Variants in FRY observed in about 807,000 individuals in gnomAD.
FRY encodes the protein protein furry homolog.
Under a neutral mutation model 348.4 loss-of-function variants are expected in FRY, and 128 were observed. The ratio of observed to expected loss-of-function variants is 0.37; its 90% CI spans 0.32 to 0.43. FRY has a LOEUF of 0.43. Among genes scored for constraint, FRY ranks in the 20% least tolerant of loss-of-function variants. FRY has a pLI of 1.00. For synonymous variants in FRY, 1,370 were observed against 1,374.7 expected, an observed-to-expected ratio of 1.00 and a Z score of 0.08; for missense variants, 2,736 against 3,695.2, an observed-to-expected ratio of 0.74 and a Z score of 6.73.
At chr13:32,141,684 T>C (rs1257098670) in intron 11 of FRY, among the ~76,000 whole-genome samples, 2 of 152,206 alleles carry the variant, frequency 1.3e-5, no homozygotes, top group African/African-American at 4.8e-5. Flanking sequence ...GTAACATTGG[T>C]CTATACCACT....
intron 2 of FRY, among the ~76,000 whole-genome samples, chr13:32,083,372 CACCTTG>C (rs916963831): frequency 3.3e-5 from 5 of 152,126 alleles, no homozygotes; most frequent in African/African-American, 1.2e-4. Flanking sequence ...TGTCTTCAAT[CACCTTG>C]AATGTGTCTT....
intron 1 of FRY, among the ~76,000 whole-genome samples, chr13:32,039,436 G>A (rs1000767124): frequency 6.6e-6 from 1 of 152,002 alleles, no homozygotes; most frequent in African/African-American, 2.4e-5. Flanking sequence ...TTACAGAGAA[G>A]GGCTATGTCT....
At chr13:32,122,359 T>C (rs113792896) in intron 4 of FRY, among the ~76,000 whole-genome samples, 12,277 of 150,684 alleles carry the variant, frequency 0.081, 536 homozygotes, top group African/African-American at 0.13. Context: ...GGGATAATGG[T>C]GTGAACCCGG....
In FRY at chr13:32,237,209, T is replaced by C. The variant is rs141100209; in HGVS notation, c.5811-170T>C. Among the ~76,000 whole-genome samples the C allele has an allele frequency of 4.5e-3, 688 of 152,270 alleles. 4 individuals are homozygous for C. The highest frequency in any genetic ancestry group is 0.016 in the African/African-American group (662 of 41,544). Reference sequence around the variant, plus strand: ...GCTTTTTGTTTTGTTGATGAGGGTTTCTCTTGTTTTGTTTTTTATAGCTTT... The same window carrying C: ...GCTTTTTGTTTTGTTGATGAGGGTTCCTCTTGTTTTGTTTTTTATAGCTTT... On this transcript the variant is annotated intron_variant, in intron 43 of 60. Transcript: ENST00000542859. This position sits in a 1 kb window ranked among gnomAD's most constrained non-coding sequence, Gnocchi z 6.3.
Position 32,031,855 on chromosome 13 carries a change from C to A in FRY, c.60C>A (p.Ser20=). 4 of 1,559,022 alleles carry A rather than the reference C, an allele frequency of 2.6e-6. No individual in the cohort carries two copies. Among genetic ancestry groups the A allele is most frequent in the Non-Finnish European group, 2.7e-6 (3 of 1,131,118 alleles). Residue 20 remains serine, a synonymous_variant, in exon 1 of 61, where the codon TCC becomes TCA. Transcript: ENST00000542859. ...TCAGTATCAAATATTTACTGAAATC[C>A]TGGAGTAATAGTGAGTAATAGAAAA... ...FEISIKYLLK[S]WSNTSPVGNG...
chr13:32,050,806 A>G (rs1873280166), intron 1 of FRY, among the ~76,000 whole-genome samples: 1 of 152,252 alleles, frequency 6.6e-6, no homozygotes, highest in African/African-American at 2.4e-5. Context: ...CACATAAGAA[A>G]GTAAGACAGA....
chr13:32,052,779 G>A (rs1873404715), intron 1 of FRY, among the ~76,000 whole-genome samples: 1 of 152,138 alleles, frequency 6.6e-6, no homozygotes, highest in Non-Finnish European at 1.5e-5. Context: ...CAAAGTGTCA[G>A]TTTTTAAGTT....
chr13:32,090,273 G>A (rs1022447051), intron 2 of FRY, among the ~76,000 whole-genome samples: 6 of 148,650 alleles, frequency 4.0e-5, no homozygotes, highest in Admixed American at 2.7e-4. Flanking sequence ...GCGTGAACCC[G>A]GAAGTCGGAG....
In FRY at chr13:32,112,246, C is replaced by CT. The variant is rs549832624; in HGVS notation, c.325-5078dup. Among the ~76,000 whole-genome samples the CT allele has an allele frequency of 3.1e-3, 456 of 147,190 alleles. 2 individuals are homozygous for CT. Among genetic ancestry groups the CT allele is most frequent in the Non-Finnish European group, 5.1e-3 (335 of 66,332 alleles). ...TGATCTCATCACAGTCATTTTTTGT[C>CT]TTTTTTTTTTAATGCTCCTCTTTCT... On this transcript the variant is annotated intron_variant, in intron 3 of 60. Coordinates refer to ENST00000542859, the MANE Select transcript of FRY (RefSeq NM_023037.3).
At chr13:32,243,100 C>T (rs1049218336) in intron 46 of FRY, among the ~76,000 whole-genome samples, 1 of 152,106 alleles carries the variant, frequency 6.6e-6, no homozygotes, top group Non-Finnish European at 1.5e-5. Flanking sequence ...AGAAACAATA[C>T]TAACATTTTA....
At chr13:32,172,287 A>C (rs1286524337) in intron 18 of FRY, among the ~76,000 whole-genome samples, 1 of 152,050 alleles carries the variant, frequency 6.6e-6, no homozygotes, top group Non-Finnish European at 1.5e-5. Context: ...GTAGATGTGG[A>C]TATGGATGTG....
rs149640337 is a variant in FRY at position 32,148,223 on chromosome 13, G to T, written c.1392+276G>T. ...AGTCACAAAGTCTGTGAATTAGTAC[G>T]ATTGTCTTGACTCTTCACCTCTGTT... On this transcript the variant is annotated intron_variant, in intron 13 of 60. Transcript: ENST00000542859. Among the ~76,000 whole-genome samples, 576 of 152,274 alleles carry T rather than the reference G, an allele frequency of 3.8e-3. 8 individuals are homozygous for T. The highest frequency in any genetic ancestry group is 0.013 in the African/African-American group (557 of 41,542).
At chr13:32,043,970 G>GGAA (rs61208991) in intron 1 of FRY, among the ~76,000 whole-genome samples, 1 of 151,836 alleles carries the variant, frequency 6.6e-6, no homozygotes, top group Non-Finnish European at 1.5e-5. Flanking sequence ...TGAAATGGGA[G>GGAA]AAGTGCTTGA....
In FRY at chr13:32,179,692, G is replaced by T; in HGVS notation, c.2889G>T (p.Ser963=). The change falls in exon 23 of 61, where the codon TCG becomes TCT. Residue 963 remains serine, a synonymous_variant. Coordinates refer to ENST00000542859, the MANE Select transcript of FRY (RefSeq NM_023037.3). ...SYDNKAIGTP[S]VGVLLKQLVP... ...TATTTCAGGCCATAGGCACCCCATCGGTGGGAGTTCTGTTAAAGCAGTTGG... is the reference window on the plus strand; with the variant it reads ...TATTTCAGGCCATAGGCACCCCATCTGTGGGAGTTCTGTTAAAGCAGTTGG... 1.2e-6 allele frequency: 2 copies of T among 1,613,914 alleles called. No homozygotes were observed. Among genetic ancestry groups the T allele is most frequent in the Non-Finnish European group, 1.7e-6 (2 of 1,179,838 alleles).
At position 32,131,674 on chromosome 13, in the gene FRY, T is replaced by G. The variant is rs748281071; in HGVS notation, c.719T>G (p.Phe240Cys). Residue 240 changes from phenylalanine to cysteine, a missense_variant and splice_region_variant, in exon 8 of 61, where the codon TTC (phenylalanine) becomes TGC (cysteine). Phe to Cys is a radical substitution (Grantham distance 205). This residue lies in a region of FRY where 309 missense variants were observed against 418.1 expected (regional missense o/e 0.74). Coordinates refer to ENST00000542859, the MANE Select transcript of FRY (RefSeq NM_023037.3). ...EVIGVLAQAK[F>C]PAVKKKFMAE... is the part of the protein sequence containing the mutation. ...AACCACTTATGTTATCTTCTTAGAT[T>G]CCCTGCTGTAAAGAAGAAATTTATG... The G allele has an allele frequency of 1.9e-6, 3 of 1,611,896 alleles. No individual in the cohort carries two copies. The South Asian group carries it at 3.3e-5, about 18-fold the overall frequency.
chr13:32,089,722 C>G (rs1306710927), intron 2 of FRY, among the ~76,000 whole-genome samples: 1 of 152,108 alleles, frequency 6.6e-6, no homozygotes, highest in African/African-American at 2.4e-5. Flanking sequence ...CACCACTGCT[C>G]TCCACTCCAG....
At chr13:32,086,216 A>G (rs943052411) in intron 2 of FRY, among the ~76,000 whole-genome samples, 1 of 152,244 alleles carries the variant, frequency 6.6e-6, no homozygotes, top group Admixed American at 6.5e-5. Context: ...AGAAAATTTC[A>G]AGAATTTTCA....
intron 26 of FRY, among the ~76,000 whole-genome samples, chr13:32,185,586 C>T (rs1882982229): frequency 2.0e-5 from 3 of 152,140 alleles, no homozygotes; most frequent in Admixed American, 2.0e-4. Context: ...ATATATTTTA[C>T]ATTTGATTAA....
chr13:32,263,962 G>A (rs530790877), intron 53 of FRY, among the ~76,000 whole-genome samples: 249 of 152,102 alleles, frequency 1.6e-3, no homozygotes, highest in South Asian at 5.4e-3. Flanking sequence ...AGCTGAGATC[G>A]CACCACTGCA....
Sources: allele counts gnomAD v4.1 joint callset (sites outside exome capture counted in the v4.1 genomes callset), GRCh38; gene constraint gnomAD v4.1.1; regional missense constraint gnomAD v4.1.1; non-coding constraint Gnocchi (gnomAD v3.1); transcripts MANE v1.5; gene names NCBI Gene and HGNC (gene_info 2026-07-23, HGNC 2026-07-21).